The following EML4 variants were observed in gnomAD, a reference collection of about 807,000 sequenced individuals.
EML4 encodes the protein echinoderm microtubule-associated protein-like 4.
A neutral mutation model predicts 129.0 loss-of-function variants in EML4; 72 were observed. That is an observed-to-expected ratio of 0.56 (90% CI 0.46 to 0.68). EML4 has a LOEUF of 0.68. EML4 is among the 30% of genes least tolerant of loss of function. The pLI, the probability that EML4 is intolerant of heterozygous loss-of-function variation, is 0.00. For missense variants in EML4, 1,363 were observed against 1,190.6 expected (o/e 1.14, Z -2.13); for synonymous variants, 532 against 405.0 (o/e 1.31, Z -3.77).
intron 13 of EML4, among the ~76,000 whole-genome samples, chr2:42,300,744 C>T (rs1455953372): frequency 1.3e-5 from 2 of 152,122 alleles, no homozygotes; most frequent in Admixed American, 6.5e-5. Context: ...AGAAGGTCAA[C>T]CAAAGATGTT....
intron 6 of EML4, 130 bp from the exon 7 acceptor site, chr2:42,280,720 G>A (rs1188524416): frequency 5.9e-6 from 4 of 681,034 alleles, no homozygotes; most frequent in African/African-American, 3.6e-5. Flanking sequence ...AAAAACAATT[G>A]TATATAATGA....
chr2:42,233,933 A>G (rs976001427), intron 1 of EML4, among the ~76,000 whole-genome samples: 1 of 152,268 alleles, frequency 6.6e-6, no homozygotes, highest in Non-Finnish European at 1.5e-5. Flanking sequence ...AGCTCTAAGC[A>G]ATAGTACCTT....
At chr2:42,248,059 A>G (rs1031487026) in intron 2 of EML4, among the ~76,000 whole-genome samples, 2 of 152,134 alleles carry the variant, frequency 1.3e-5, no homozygotes, top group African/African-American at 2.4e-5. Context: ...TGTAACCTCA[A>G]ACTGCTGGGC....
rs764378657 is a variant in EML4, at chr2:42,276,886, A to T, written c.668-3964A>T. Among the ~76,000 whole-genome samples, 5 of 152,216 alleles carry T rather than the reference A, an allele frequency of 3.3e-5. No individual in the cohort carries two copies. In the East Asian group the frequency reaches 7.7e-4, roughly 23 times the overall value. The stretch of plus-strand genomic sequence containing the variant: ...TCCAACATATATGACCAATTTATAG[A>T]TAGTGAAAGCATTGTCATCCTAATA... On this transcript the variant is annotated intron_variant, in intron 6 of 22. Coordinates refer to ENST00000318522, the MANE Select transcript of EML4 (RefSeq NM_019063.5).
At chr2:42,249,413 T>G (rs1465491508) in intron 2 of EML4, among the ~76,000 whole-genome samples, 1 of 152,106 alleles carries the variant, frequency 6.6e-6, no homozygotes, top group Non-Finnish European at 1.5e-5. Flanking sequence ...TCTTTAGAGG[T>G]CAAATTAAAT....
chr2:42,238,681 A>C (rs540076081), intron 1 of EML4, among the ~76,000 whole-genome samples: 10 of 152,048 alleles, frequency 6.6e-5, no homozygotes, highest in Admixed American at 2.6e-4. Flanking sequence ...GCAAGGGTGC[A>C]GTTATAGCTC....
At chr2:42,169,682 CT>C in intron 1 of EML4, 46 bp downstream of exon 1, 4 of 1,585,880 alleles carry the variant, frequency 2.5e-6, no homozygotes, top group South Asian at 1.1e-5. Flanking sequence ...AGGGTAGGAA[CT>C]TTTTTCCTTC....
chr2:42,331,361 G>C lies in EML4; in HGVS notation c.*1154G>C, dbSNP rs983486954. 4.4e-6 allele frequency: 1 copy of C among 224,800 alleles called. No homozygotes were observed. The highest frequency in any genetic ancestry group is 2.2e-5 in the African/African-American group (1 of 44,854). 13.9% of individuals were successfully genotyped at this position (224,800 alleles called of 1,614,324 possible). On this transcript the variant is annotated 3_prime_UTR_variant, in exon 23 of 23. Coordinates refer to ENST00000318522, the MANE Select transcript of EML4 (RefSeq NM_019063.5). Reference sequence around the variant, plus strand: ...CTGTAAGTCTTGTAAGTCTAATGTGGCTATCCTACTCTTTTGGGCAATGCA... The same window carrying C: ...CTGTAAGTCTTGTAAGTCTAATGTGCCTATCCTACTCTTTTGGGCAATGCA...
intron 1 of EML4, among the ~76,000 whole-genome samples, chr2:42,211,082 T>G (rs1437804423): frequency 2.6e-5 from 4 of 152,234 alleles, no homozygotes; most frequent in African/African-American, 9.6e-5. Context: ...ACTATAACTC[T>G]TTTTAGTATT....
intron 20 of EML4, 82 bp from the exon 21 acceptor site, chr2:42,326,072 T>A: frequency 6.5e-7 from 1 of 1,541,634 alleles, no homozygotes. Context: ...CAAGTAAACG[T>A]GGCTAGTTTG....
intron 1 of EML4, among the ~76,000 whole-genome samples, chr2:42,222,749 C>A (rs758599386): frequency 6.6e-6 from 1 of 152,084 alleles, no homozygotes; most frequent in Admixed American, 6.5e-5. Context: ...TCATGCATAG[C>A]CCTCCACATT....
intron 18 of EML4, among the ~76,000 whole-genome samples, chr2:42,316,324 G>A (rs1204115946): frequency 6.6e-6 from 1 of 152,020 alleles, no homozygotes; most frequent in Non-Finnish European, 1.5e-5. Context: ...CCCTTTTTCC[G>A]GAACTACACA....
chr2:42,238,311 A>G (rs1025076572), intron 1 of EML4, among the ~76,000 whole-genome samples: 2 of 152,250 alleles, frequency 1.3e-5, no homozygotes, highest in African/African-American at 4.8e-5. Flanking sequence ...GACTTCTCAT[A>G]TAAACAGTTC....
intron 1 of EML4, among the ~76,000 whole-genome samples, chr2:42,186,164 A>G (rs1293579336): frequency 6.6e-6 from 1 of 152,184 alleles, no homozygotes; most frequent in African/African-American, 2.4e-5. Flanking sequence ...TTTGGATTGA[A>G]TCAGTTTTCC....
chr2:42,256,775 C>A, intron 3 of EML4, 145 bp downstream of exon 3: 1 of 1,041,832 alleles, frequency 9.6e-7, no homozygotes, highest in Non-Finnish European at 1.4e-6. Flanking sequence ...AAAGTAGAGA[C>A]ATTTAGCCTG....
intron 6 of EML4, among the ~76,000 whole-genome samples, chr2:42,272,969 G>C (rs1666456067): frequency 6.6e-6 from 1 of 152,110 alleles, no homozygotes; most frequent in Non-Finnish European, 1.5e-5. Context: ...TGTTTAATCA[G>C]AATTTTTATA....
At chr2:42,321,907 A>G (rs1669544451) in intron 19 of EML4, among the ~76,000 whole-genome samples, 1 of 152,262 alleles carries the variant, frequency 6.6e-6, no homozygotes, top group Non-Finnish European at 1.5e-5. Context: ...CATTGCTGAA[A>G]GACATAACTA....
intron 19 of EML4, chr2:42,325,078 G>A (rs944755383): frequency 7.9e-6 from 3 of 381,604 alleles, no homozygotes; most frequent in Non-Finnish European, 1.6e-5. Context: ...TATTCCTGAT[G>A]CCTTATGCAC....
intron 1 of EML4, among the ~76,000 whole-genome samples, chr2:42,201,391 A>G (rs1209888440): frequency 6.6e-6 from 1 of 152,242 alleles, no homozygotes; most frequent in African/African-American, 2.4e-5. Flanking sequence ...AGCTAGGCTT[A>G]ATGTATGCAG....
Sources: allele counts gnomAD v4.1 joint callset (sites outside exome capture counted in the v4.1 genomes callset), GRCh38; gene constraint gnomAD v4.1.1; transcripts MANE v1.5; gene names NCBI Gene and HGNC (gene_info 2026-07-23, HGNC 2026-07-21).